The following NRAP variants were observed in gnomAD, a reference collection of about 807,000 sequenced individuals.
NRAP encodes the protein nebulin related anchoring protein.
Under a neutral mutation model 225.9 loss-of-function variants are expected in NRAP, and 189 were observed. That is an observed-to-expected ratio of 0.84 (90% CI 0.74 to 0.94). The LOEUF is 0.94. NRAP is among the 40% of genes least tolerant of loss of function. The probability of loss-of-function intolerance (pLI) is 0.00; values close to 1 mark genes in which losing one functional copy is unlikely to be tolerated. For synonymous variants in NRAP, 769 were observed against 790.7 expected, an observed-to-expected ratio of 0.97 and a Z score of 0.46; for missense variants, 2,176 against 2,168.7, an observed-to-expected ratio of 1.00 and a Z score of -0.07.
chr10:113,654,999 G>C (rs960392420), intron 4 of NRAP, among the ~76,000 whole-genome samples: 1 of 152,200 alleles, frequency 6.6e-6, no homozygotes, highest in African/African-American at 2.4e-5. Context: ...GAAAGAGATG[G>C]GGAGCCAGGT....
chr10:113,589,379 A>T (rs1207269634), intron 41 of NRAP: 3 of 570,394 alleles, frequency 5.3e-6, no homozygotes, highest in Admixed American at 3.2e-5. Context: ...GCAAGCAGTC[A>T]GCACAGCCTG....
intron 14 of NRAP, among the ~76,000 whole-genome samples, chr10:113,638,945 G>C (rs971238210): frequency 6.6e-5 from 10 of 152,128 alleles, no homozygotes; most frequent in Non-Finnish European, 1.2e-4. Context: ...GATAAATGTA[G>C]TAGCAAGTCA....
At chr10:113,646,863 A>G in intron 10 of NRAP, 60 bp downstream of exon 10, 1 of 1,124,702 alleles carries the variant, frequency 8.9e-7, no homozygotes, top group Non-Finnish European at 1.4e-6. Context: ...CAGTAAGCAC[A>G]GCCTTCAAAG....
chr10:113,612,937 C>T (rs964734706), intron 29 of NRAP, among the ~76,000 whole-genome samples: 1 of 152,092 alleles, frequency 6.6e-6, no homozygotes, highest in Non-Finnish European at 1.5e-5. Flanking sequence ...GAGAGTCAAG[C>T]CTCAGGGATA....
chr10:113,592,242 A>G lies in NRAP; in HGVS notation c.4596T>C (p.Asp1532=), dbSNP rs2133824002. ...CCCGGGCAGTCTGGAAGGGGATGGC[A>G]TCCAGCCTGAAGTCATAACTGCCAG... ...TRAGSYDFRL[D]AIPFQTARAS... Residue 1532 remains aspartate (D), a synonymous_variant, in exon 39 of 42, where the codon GAT becomes GAC. Coordinates refer to ENST00000359988, the MANE Select transcript of NRAP (RefSeq NM_198060.4). The G allele has an allele frequency of 1.2e-6, 2 of 1,612,918 alleles. No homozygotes were observed. Among genetic ancestry groups the G allele is most frequent in the African/African-American group, 1.3e-5 (1 of 75,030 alleles).
chr10:113,624,989 C>G, intron 21 of NRAP, 59 bp from the exon 22 acceptor site: 1 of 1,014,208 alleles, frequency 9.9e-7, no homozygotes, highest in South Asian at 1.3e-5. Context: ...GGCAGGGTGG[C>G]ATCCCTCATG....
At chr10:113,654,527 G>GAAAAAAAAAAAAAAAAA (rs1850185099) in intron 4 of NRAP, among the ~76,000 whole-genome samples, 1 of 132,902 alleles carries the variant, frequency 7.5e-6, no homozygotes. Flanking sequence ...AAAAAAAAAG[G>GAAAAAAAAAAAAAAAAA]AAAGGCAAAG....
chr10:113,608,289 T>A, intron 32 of NRAP, 125 bp downstream of exon 32: 1 of 633,436 alleles, frequency 1.6e-6, no homozygotes, highest in South Asian at 2.1e-5. Flanking sequence ...TATAATGACA[T>A]TCTTTTCTTT....
Position 113,629,141 on chromosome 10 carries a change from C to T in NRAP, c.2041-120G>A, listed in dbSNP as rs1269993636. The T allele has an allele frequency of 4.0e-6, 3 of 750,726 alleles. No individual in the cohort carries two copies. The African/African-American group carries it at 5.2e-5, about 13-fold the overall frequency. The allele number at this position is 750,726 out of a possible 1,614,324, so 46.5% of individuals were successfully genotyped here. A position where few individuals can be genotyped will look rare whatever the true frequency, so the allele number is the denominator to read the frequency against. On this transcript the variant is annotated intron_variant, in intron 19 of 41. Transcript: ENST00000359988. ...GCCTTCCTAGAAGAACTGCTCCCTG[C>T]TCCTTTATGGTCAGGCAGATCTCCA...
intron 9 of NRAP, among the ~76,000 whole-genome samples, chr10:113,648,467 C>CTCTATATATATATATATATA (rs749486311): frequency 1.1e-5 from 1 of 87,386 alleles, no homozygotes; most frequent in South Asian, 3.9e-4. Context: ...CTCTCTCTCT[C>CTCTATATATATATATATATA]TATATATATA....
At chr10:113,632,931 T>C (rs1203955400) in intron 16 of NRAP, among the ~76,000 whole-genome samples, 153 bp downstream of exon 16, 2 of 152,208 alleles carry the variant, frequency 1.3e-5, no homozygotes, top group Non-Finnish European at 2.9e-5. Flanking sequence ...CAACGTGCCA[T>C]GACATAGCAA....
chr10:113,616,497 A>C (rs537393558), intron 26 of NRAP, among the ~76,000 whole-genome samples: 7 of 152,316 alleles, frequency 4.6e-5, no homozygotes, highest in African/African-American at 1.4e-4. Flanking sequence ...TCTTCATACA[A>C]AAGTTCTTGT....
At chr10:113,599,514 G>C (rs1846474330) in intron 35 of NRAP, among the ~76,000 whole-genome samples, 1 of 152,228 alleles carries the variant, frequency 6.6e-6, no homozygotes, top group Non-Finnish European at 1.5e-5. Flanking sequence ...GCGAGATGAA[G>C]TGGGGAGCGC....
At chr10:113,649,947 C>T in intron 9 of NRAP, 90 bp downstream of exon 9, 1 of 757,906 alleles carries the variant, frequency 1.3e-6, no homozygotes, top group Non-Finnish European at 2.3e-6. Context: ...ACCAAAGCCC[C>T]ACCCCTGATT....
At chr10:113,658,529 A>C (rs1347583790) in intron 3 of NRAP, among the ~76,000 whole-genome samples, 3 of 152,190 alleles carry the variant, frequency 2.0e-5, no homozygotes, top group African/African-American at 2.4e-5. Flanking sequence ...AAACATCAGA[A>C]GGTCTTAGGT....
intron 28 of NRAP, 65 bp downstream of exon 28, chr10:113,614,774 C>A (rs1004293569): frequency 1.0e-6 from 1 of 958,896 alleles, no homozygotes; most frequent in Non-Finnish European, 1.7e-6. Flanking sequence ...GCAGGAGTTA[C>A]GGGCAAAAGG....
intron 5 of NRAP, 103 bp from the exon 6 acceptor site, chr10:113,653,142 G>A (rs779089324): frequency 2.6e-5 from 17 of 649,228 alleles, no homozygotes; most frequent in African/African-American, 3.7e-5. Flanking sequence ...AAAGTTCTTC[G>A]GAAATATTTC....
chr10:113,637,279 C>G (rs903478063), intron 14 of NRAP, among the ~76,000 whole-genome samples: 1 of 152,176 alleles, frequency 6.6e-6, no homozygotes, highest in African/African-American at 2.4e-5. Context: ...ATTATCCCTA[C>G]CTTACAATGT....
intron 38 of NRAP, among the ~76,000 whole-genome samples, chr10:113,592,870 A>G (rs986713164): frequency 6.6e-5 from 10 of 152,050 alleles, no homozygotes; most frequent in Non-Finnish European, 4.4e-5. Flanking sequence ...AATTAAATTT[A>G]TTGTCAAGCA....
Sources: gnomAD v4.1 joint callset for allele counts (sites outside exome capture counted in the v4.1 genomes callset) on GRCh38, gnomAD v4.1.1 for gene constraint, MANE v1.5 for transcripts, NCBI Gene and HGNC (gene_info 2026-07-23, HGNC 2026-07-21) for gene names.